Variants in ANKRD44 observed in about 807,000 individuals in gnomAD.
ANKRD44 encodes ankyrin repeat domain 44.
Under a neutral mutation model 116.0 loss-of-function variants are expected in ANKRD44, and 35 were observed. The observed-to-expected ratio is 0.30, with a 90% CI of 0.23 to 0.40. The LOEUF (loss-of-function observed/expected upper bound fraction) is 0.40. Ranked by LOEUF, ANKRD44 falls within the 10% of genes least tolerant of loss-of-function variation. The pLI, the probability that ANKRD44 is intolerant of heterozygous loss-of-function variation, is 1.00. For missense variants in ANKRD44, 1,014 were observed against 1,242.6 expected, an observed-to-expected ratio of 0.82 and a Z score of 2.77; for synonymous variants, 435 against 461.8, an observed-to-expected ratio of 0.94 and a Z score of 0.74.
chr2:197,289,373 A>G (rs2083497056), intron 1 of ANKRD44, among the ~76,000 whole-genome samples: 1 of 152,210 alleles, frequency 6.6e-6, no homozygotes, highest in South Asian at 2.1e-4. Flanking sequence ...TTTCTTATAA[A>G]CATGCACTTA....
In ANKRD44 at chr2:196,993,616, T is replaced by C. The variant is rs1254415189; in HGVS notation, c.2890A>G (p.Lys964Glu). 1.9e-6 allele frequency: 3 copies of C among 1,551,128 alleles called. No individual in the cohort carries two copies. Among genetic ancestry groups the C allele is most frequent in the Admixed American group, 2.0e-5 (1 of 51,006 alleles). ...LKVVVEELLAKGACVLAVDEN... is the reference protein window; with the variant it reads ...LKVVVEELLAEGACVLAVDEN... ...TCTACAGCAAGTACACAGGCCCCTT[T>C]GGCCAGCAACTCCTCAACTACCACC... The change falls in exon 27 of 28, where the codon AAA becomes GAA. Residue 964 changes from lysine to glutamate, a missense_variant. Transcript: ENST00000282272.
intron 16 of ANKRD44, among the ~76,000 whole-genome samples, chr2:197,034,081 A>AGAGAGAGAGAGAGAGAGG (rs2076762582): frequency 6.6e-6 from 1 of 151,700 alleles, no homozygotes; most frequent in African/African-American, 2.4e-5. Context: ...AGAGAGAGAG[A>AGAGAGAGAGAGAGAGAGG]GAGAGCTCAT....
chr2:197,018,795 G>A lies in ANKRD44; in HGVS notation c.1723-5083C>T, dbSNP rs528852589. ...TTATTACTATTTTTGGTAGAAATAT[G>A]TTTTTTAAACAGCAATTATTTTTTG... On this transcript the variant is annotated intron_variant, in intron 17 of 27. Transcript: ENST00000282272. Among the ~76,000 whole-genome samples, 51 of 152,258 alleles carry A rather than the reference G, an allele frequency of 3.3e-4. No individual in the cohort carries two copies. The South Asian group carries it at 9.5e-3, about 28-fold the overall frequency.
chr2:197,091,056 G>T (rs1190624077), intron 10 of ANKRD44, among the ~76,000 whole-genome samples: 1 of 152,232 alleles, frequency 6.6e-6, no homozygotes, highest in African/African-American at 2.4e-5. Flanking sequence ...CTGTCACGCT[G>T]GCCCTTTGCC....
chr2:196,998,331 A>T lies in ANKRD44; in HGVS notation c.2748+6T>A. 1 of 1,591,752 alleles carries T rather than the reference A, an allele frequency of 6.3e-7. No homozygotes were observed. Among genetic ancestry groups the T allele is most frequent in the Non-Finnish European group, 8.6e-7 (1 of 1,160,404 alleles). On this transcript the variant is annotated splice_donor_region_variant and intron_variant, in intron 25 of 27. Transcript: ENST00000282272. ...AAGTAATAATATTTTAAATTCATTT[A>T]CATACTTTACTACAAGCCAAATGTA...
In ANKRD44 at chr2:197,083,261, G is replaced by T. The variant is rs537091482; in HGVS notation, c.1457+108C>A. 1.8e-5 allele frequency: 25 copies of T among 1,390,004 alleles called. No individual in the cohort carries two copies. In the Admixed American group the frequency reaches 3.0e-4, roughly 17 times the overall value. The allele number at this position is 1,390,004 out of a possible 1,614,324, so 86.1% of individuals were successfully genotyped here. A position where few individuals can be genotyped will look rare whatever the true frequency, so the allele number is the denominator to read the frequency against. ...AATTAAGCAAATCTAACTCTTTTGG[G>T]TTAGTCTAACTCTTTTTCCATGAGG... On this transcript the variant is annotated intron_variant, in intron 14 of 27. Transcript: ENST00000282272.
chr2:197,106,225 TGA>T (rs1407018134), intron 9 of ANKRD44, among the ~76,000 whole-genome samples: 1 of 151,082 alleles, frequency 6.6e-6, no homozygotes, highest in African/African-American at 2.4e-5. Context: ...GCAGATCACC[TGA>T]GGCCAGGAGT....
At position 197,013,621 on chromosome 2, in the gene ANKRD44, T is replaced by TC; in HGVS notation, c.1813dup (p.Asp605GlyfsTer6). On this transcript the variant is annotated frameshift_variant, in exon 18 of 28. Transcript: ENST00000282272. LOFTEE classifies it high-confidence loss of function. ...TGTGTGTCCTTTAAAGGCAGCCAGA[T>TC]CCAGAGCAGTGCGGCCTTTCTCATC... The TC allele has an allele frequency of 6.2e-7, 1 of 1,614,118 alleles. No homozygotes were observed. Among genetic ancestry groups the TC allele is most frequent in the Non-Finnish European group, 8.5e-7 (1 of 1,180,032 alleles).
Position 197,193,024 on chromosome 2 carries a change from G to A in ANKRD44, c.28-5918C>T, listed in dbSNP as rs1450672771. Among the ~76,000 whole-genome samples the A allele has an allele frequency of 2.0e-5, 3 of 152,216 alleles. No individual in the cohort carries two copies. In the East Asian group the frequency reaches 5.8e-4, roughly 29 times the overall value. On this transcript the variant is annotated intron_variant, in intron 1 of 27. Coordinates refer to ENST00000282272, the MANE Select transcript of ANKRD44 (RefSeq NM_001195144.2). The stretch of plus-strand genomic sequence containing the variant: ...AAAAAACATAAAATTCCATGTTATA[G>A]TCATGCCCTCCAAGTAGCATATTTG...
chr2:196,988,064 A>G lies in ANKRD44; in HGVS notation c.*1527T>C, dbSNP rs989727604. On this transcript the variant is annotated 3_prime_UTR_variant, in exon 28 of 28. Transcript: ENST00000282272. ...TTCGTTCCTTTGTCCTCCTTCTATGAGTAAGAGAGTGGGAAAAGTCAAAAC... is the reference window on the plus strand; with the variant it reads ...TTCGTTCCTTTGTCCTCCTTCTATGGGTAAGAGAGTGGGAAAAGTCAAAAC... The G allele has an allele frequency of 2.0e-6, 2 of 985,260 alleles. No individual in the cohort carries two copies. Among genetic ancestry groups the G allele is most frequent in the African/African-American group, 3.5e-5 (2 of 57,208 alleles). 61.0% of individuals were successfully genotyped at this position (985,260 alleles called of 1,614,324 possible).
intron 11 of ANKRD44, among the ~76,000 whole-genome samples, chr2:197,089,279 G>GA (rs375845002): frequency 8.0e-5 from 12 of 149,896 alleles, no homozygotes; most frequent in East Asian, 3.9e-4. Flanking sequence ...GTACTTAAAG[G>GA]AAAAAAAAAT....
At chr2:197,078,969 T>TTGTGTGTGTGTGTG (rs59690082) in intron 15 of ANKRD44, among the ~76,000 whole-genome samples, 155 bp from the exon 16 acceptor site, 20 of 147,114 alleles carry the variant, frequency 1.4e-4, no homozygotes, top group South Asian at 4.3e-4. Flanking sequence ...GTGTTGAAAA[T>TTGTGTGTGTGTGTG]TGTGTGTGTG....
intron 21 of ANKRD44, among the ~76,000 whole-genome samples, chr2:197,005,297 T>A (rs1420246277): frequency 6.6e-6 from 1 of 152,142 alleles, no homozygotes; most frequent in Non-Finnish European, 1.5e-5. Flanking sequence ...GAACCATGCA[T>A]CTACTAGTAA....
intron 16 of ANKRD44, among the ~76,000 whole-genome samples, chr2:197,033,117 C>G (rs921548943): frequency 2.0e-5 from 3 of 151,944 alleles, no homozygotes; most frequent in African/African-American, 7.3e-5. Context: ...GCATGAAGCC[C>G]CCACAGTGAA....
downstream of ANKRD44, among the ~76,000 whole-genome samples, chr2:196,982,825 C>T (rs1004317615): frequency 3.9e-5 from 6 of 152,172 alleles, no homozygotes; most frequent in African/African-American, 9.7e-5. Flanking sequence ...GGCACATATA[C>T]ACCATAGAAT....
chr2:197,089,046 A>G (rs1450338618), intron 11 of ANKRD44, among the ~76,000 whole-genome samples: 2 of 152,340 alleles, frequency 1.3e-5, no homozygotes, highest in East Asian at 3.9e-4. Context: ...CAGGATAGAA[A>G]TTTATGAAAC....
At chr2:196,970,993 A>G (rs2075711397) in intron 21 of ANKRD44, among the ~76,000 whole-genome samples, 1 of 152,208 alleles carries the variant, frequency 6.6e-6, no homozygotes, top group African/African-American at 2.4e-5. Context: ...ATAAGCCACC[A>G]CGACTGGCCA....
intron 3 of ANKRD44, among the ~76,000 whole-genome samples, chr2:197,146,785 GC>G (rs1341661762): frequency 6.6e-6 from 1 of 151,862 alleles, no homozygotes; most frequent in Non-Finnish European, 1.5e-5. Context: ...ACAATGCTGG[GC>G]CTGACTAGAC....
At chr2:197,293,889 T>C (rs1421353832) in intron 1 of ANKRD44, among the ~76,000 whole-genome samples, 1 of 152,244 alleles carries the variant, frequency 6.6e-6, no homozygotes, top group East Asian at 1.9e-4. Flanking sequence ...TTCAGCATTC[T>C]ATCACAGGGT....
Sources: gnomAD v4.1 joint callset for allele counts (sites outside exome capture counted in the v4.1 genomes callset) on GRCh38, gnomAD v4.1.1 for gene constraint, MANE v1.5 for transcripts, NCBI Gene and HGNC (gene_info 2026-07-23, HGNC 2026-07-21) for gene names.